Variants in ERBB4 observed in about 807,000 individuals in gnomAD.
ERBB4 encodes the protein receptor tyrosine-protein kinase erbB-4.
Under a neutral mutation model 158.0 loss-of-function variants are expected in ERBB4, and 42 were observed. That is an observed-to-expected ratio of 0.27 (90% CI 0.21 to 0.34). ERBB4 has a LOEUF of 0.34. ERBB4 is among the 10% of genes least tolerant of loss of function. The pLI is 1.00. For synonymous variants in ERBB4, 583 were observed against 558.7 expected, an observed-to-expected ratio of 1.04 and a Z score of -0.61; for missense variants, 1,333 against 1,624.1, an observed-to-expected ratio of 0.82 and a Z score of 3.08.
intron 20 of ERBB4, among the ~76,000 whole-genome samples, 174 bp from the exon 21 acceptor site, chr2:211,431,274 A>G (rs1329892248): frequency 6.6e-6 from 1 of 152,216 alleles, no homozygotes; most frequent in Non-Finnish European, 1.5e-5. Context: ...GCAAACCACA[A>G]ACAGCTTTTG....
intron 1 of ERBB4, among the ~76,000 whole-genome samples, chr2:212,436,269 A>G (rs556330769): frequency 6.6e-6 from 1 of 152,150 alleles, no homozygotes; most frequent in South Asian, 2.1e-4. Flanking sequence ...TTAGAAACCA[A>G]AAAGTTTATA....
intron 1 of ERBB4, among the ~76,000 whole-genome samples, chr2:212,140,052 T>C (rs943979728): frequency 6.6e-6 from 1 of 151,846 alleles, no homozygotes; most frequent in East Asian, 1.9e-4. Context: ...CACCTGATTA[T>C]AACTTGTAAA....
At chr2:212,464,926 A>ACC (rs1553644445) in intron 1 of ERBB4, among the ~76,000 whole-genome samples, 6 of 144,718 alleles carry the variant, frequency 4.1e-5, no homozygotes, top group African/African-American at 1.3e-4. Flanking sequence ...ACACACACAC[A>ACC]CCCCTTAGAA....
intron 16 of ERBB4, among the ~76,000 whole-genome samples, chr2:211,641,567 T>C (rs1272390562): frequency 6.6e-6 from 1 of 152,124 alleles, no homozygotes; most frequent in East Asian, 1.9e-4. Context: ...AATTTAAAAT[T>C]TGACATTAAA....
At chr2:211,781,156 T>C (rs1312300267) in intron 4 of ERBB4, among the ~76,000 whole-genome samples, 6 of 152,186 alleles carry the variant, frequency 3.9e-5, no homozygotes, top group South Asian at 2.1e-4. Flanking sequence ...GGTAATGTAA[T>C]AGATGAGGTT....
At chr2:211,431,197 A>G (rs2063742160) in intron 20 of ERBB4, 97 bp from the exon 21 acceptor site, 2 of 1,106,672 alleles carry the variant, frequency 1.8e-6, no homozygotes, top group Non-Finnish European at 2.7e-6. Flanking sequence ...GGAAGTGCCT[A>G]ATTTTTTAAG....
chr2:212,025,698 G>GA (rs1230791288), intron 2 of ERBB4, among the ~76,000 whole-genome samples: 5 of 151,564 alleles, frequency 3.3e-5, no homozygotes, highest in Admixed American at 6.6e-5. Context: ...GCTTCCCTGA[G>GA]AAAAAATACT....
chr2:211,994,145 A>G (rs1047472545), intron 2 of ERBB4, among the ~76,000 whole-genome samples: 4 of 151,968 alleles, frequency 2.6e-5, no homozygotes, highest in Non-Finnish European at 5.9e-5. Flanking sequence ...CTATCTGTCT[A>G]TCACAAGCAG....
chr2:211,704,428 T>C (rs1394272827), intron 10 of ERBB4, among the ~76,000 whole-genome samples: 1 of 152,238 alleles, frequency 6.6e-6, no homozygotes, highest in South Asian at 2.1e-4. Flanking sequence ...TTTATTCTTA[T>C]AAATGCAAAA....
chr2:211,746,531 G>C (rs2074977384), intron 5 of ERBB4, among the ~76,000 whole-genome samples: 1 of 151,892 alleles, frequency 6.6e-6, no homozygotes, highest in South Asian at 2.1e-4. Flanking sequence ...GGTAGCAAGT[G>C]AGAAAACTCC....
intron 2 of ERBB4, among the ~76,000 whole-genome samples, chr2:212,062,817 T>C (rs1439590208): frequency 6.6e-6 from 1 of 152,174 alleles, no homozygotes; most frequent in African/African-American, 2.4e-5. Flanking sequence ...GAACACATTT[T>C]AAGAAGACAC....
intron 1 of ERBB4, among the ~76,000 whole-genome samples, chr2:212,339,961 G>A (rs1452688090): frequency 6.6e-6 from 1 of 151,964 alleles, no homozygotes; most frequent in East Asian, 1.9e-4. Flanking sequence ...CAATGATGAT[G>A]CTGTCCTACT....
intron 1 of ERBB4, among the ~76,000 whole-genome samples, chr2:212,187,028 C>A (rs1375376557): frequency 6.6e-6 from 1 of 151,914 alleles, no homozygotes; most frequent in East Asian, 1.9e-4. Context: ...TTTCCTCTGC[C>A]TTAGACTAAG....
chr2:211,774,610 G>A (rs1303910586), intron 4 of ERBB4, among the ~76,000 whole-genome samples: 1 of 152,122 alleles, frequency 6.6e-6, no homozygotes, highest in Non-Finnish European at 1.5e-5. Flanking sequence ...GAACGGTTAG[G>A]ATATCGCGGC....
At chr2:212,136,810 G>A (rs1201469876) in intron 1 of ERBB4, among the ~76,000 whole-genome samples, 1 of 152,094 alleles carries the variant, frequency 6.6e-6, no homozygotes, top group African/African-American at 2.4e-5. Flanking sequence ...AGAAGAAGGG[G>A]TGTGGCAAAC....
intron 3 of ERBB4, among the ~76,000 whole-genome samples, chr2:211,796,530 T>C (rs2076386472): frequency 6.6e-6 from 1 of 151,980 alleles, no homozygotes; most frequent in Non-Finnish European, 1.5e-5. Context: ...TTAACCAATT[T>C]AACTTATTTA....
At chr2:211,946,576 CTTTTTTTTTTTTTT>C (rs56007115) in intron 3 of ERBB4, among the ~76,000 whole-genome samples, 128 of 49,600 alleles carry the variant, frequency 2.6e-3, no homozygotes, top group African/African-American at 9.3e-3. Context: ...AATTAGCTCT[CTTTTTTTTTTTTTT>C]TTTTTTTTTT....
chr2:211,684,428 G>T (rs1391457462), intron 12 of ERBB4, among the ~76,000 whole-genome samples: 1 of 151,896 alleles, frequency 6.6e-6, no homozygotes, highest in Admixed American at 6.6e-5. Flanking sequence ...TCCAGCCTGG[G>T]CAACAAGAGT....
chr2:211,747,519 C>T (rs890739823), intron 5 of ERBB4, among the ~76,000 whole-genome samples: 2 of 152,010 alleles, frequency 1.3e-5, no homozygotes, highest in South Asian at 2.1e-4. Context: ...GAGAAGGCCA[C>T]GTGTCTGCTT....
Sources: gnomAD v4.1 joint callset for allele counts (sites outside exome capture counted in the v4.1 genomes callset) on GRCh38, gnomAD v4.1.1 for gene constraint, MANE v1.5 for transcripts, NCBI Gene and HGNC (gene_info 2026-07-23, HGNC 2026-07-21) for gene names.